The following LRRC28 variants were observed in gnomAD, a reference collection of about 807,000 sequenced individuals.
LRRC28 encodes the protein leucine rich repeat containing 28, also known as leucine-rich repeat-containing protein 28.
In LRRC28, 39 loss-of-function variants were observed where a neutral mutation model predicts 45.7. That is an observed-to-expected ratio of 0.85 (90% confidence interval 0.66 to 1.12). LRRC28 has a LOEUF of 1.12. Ranked by LOEUF, LRRC28 falls within the 50% of genes most tolerant of loss-of-function variation. The pLI, the probability that LRRC28 is intolerant of heterozygous loss-of-function variation, is 0.00. For synonymous variants in LRRC28, 206 were observed against 178.8 expected, an observed-to-expected ratio of 1.15 and a Z score of -1.22; for missense variants, 435 against 438.5, an observed-to-expected ratio of 0.99 and a Z score of 0.07.
At chr15:99,367,482 C>T (rs1957371364) in intron 9 of LRRC28, among the ~76,000 whole-genome samples, 1 of 152,138 alleles carries the variant, frequency 6.6e-6, no homozygotes, top group Non-Finnish European at 1.5e-5. Flanking sequence ...CAGGAACCCC[C>T]TCCCACGATA....
intron 5 of LRRC28, chr15:99,333,700 A>T: frequency 1.7e-6 from 1 of 582,042 alleles, no homozygotes; most frequent in South Asian, 2.1e-5. Flanking sequence ...CATGCTACCC[A>T]GCCCTTTTCT....
chr15:99,360,802 G>A (rs1026491829), intron 7 of LRRC28, among the ~76,000 whole-genome samples: 1 of 152,162 alleles, frequency 6.6e-6, no homozygotes, highest in Non-Finnish European at 1.5e-5. Flanking sequence ...AGGGAATAGG[G>A]CATGACTTGG....
rs1199347824 is a variant in LRRC28, at chr15:99,386,181, T to C, written c.*79T>C. On this transcript the variant is annotated 3_prime_UTR_variant, in exon 10 of 10. Transcript: ENST00000301981. Reference sequence around the variant, plus strand: ...CAGTCCAGCACACTCTTCCATCCTGTCCTGTCCAATGCGGGGGCACTGCAG... The same window carrying C: ...CAGTCCAGCACACTCTTCCATCCTGCCCTGTCCAATGCGGGGGCACTGCAG... 8.9e-7 allele frequency: 1 copy of C among 1,124,050 alleles called. No individual in the cohort carries two copies. Among genetic ancestry groups the C allele is most frequent in the African/African-American group, 1.5e-5 (1 of 65,460 alleles). The allele number at this position is 1,124,050 out of a possible 1,614,324, so 69.6% of individuals were successfully genotyped here. A position where few individuals can be genotyped will look rare whatever the true frequency, so the allele number is the denominator to read the frequency against.
intron 2 of LRRC28, among the ~76,000 whole-genome samples, chr15:99,264,265 G>A (rs186515688): frequency 2.6e-5 from 4 of 152,282 alleles, no homozygotes; most frequent in Admixed American, 2.6e-4. Context: ...AGAGGGAGAG[G>A]AGGAAGTGGT....
In LRRC28 at chr15:99,350,152, A is replaced by C. The variant is rs557373860; in HGVS notation, c.593-2217A>C. Among the ~76,000 whole-genome samples, 27 of 152,046 alleles carry C rather than the reference A, an allele frequency of 1.8e-4. No individual in the cohort carries two copies. In the South Asian group the frequency reaches 5.6e-3, roughly 32 times the overall value. On this transcript the variant is annotated intron_variant, in intron 6 of 9. Transcript: ENST00000301981. ...AGCGAGACTCCGTCTCAAAAAAAAA[A>C]AAAAAAAGAAAAATGCAAGTTAAAA...
At chr15:99,317,148 C>T (rs1374042880) in intron 5 of LRRC28, among the ~76,000 whole-genome samples, 2 of 152,050 alleles carry the variant, frequency 1.3e-5, no homozygotes, top group Admixed American at 6.6e-5. Context: ...ATTTTCATTT[C>T]GTTTCCCTTG....
rs931345167 is a variant in LRRC28 at position 99,306,930 on chromosome 15, T to G, written c.385+18979T>G. On this transcript the variant is annotated intron_variant, in intron 5 of 9. Coordinates refer to ENST00000301981, the MANE Select transcript of LRRC28 (RefSeq NM_144598.5). ...TGGCACATCTTTGGTCCTTTTCGGG[T>G]CCATTGCCTCTGAGTTTGGAGAAGA... 2.6e-5 allele frequency among the ~76,000 whole-genome samples: 4 copies of G among 152,194 alleles called. No individual in the cohort carries two copies. In the East Asian group the frequency reaches 7.7e-4, roughly 29 times the overall value.
intron 3 of LRRC28, among the ~76,000 whole-genome samples, chr15:99,277,460 C>G (rs2081649060): frequency 6.6e-6 from 1 of 152,034 alleles, no homozygotes; most frequent in South Asian, 2.1e-4. Flanking sequence ...CCCCTCTGCC[C>G]CCTCCCCCAA....
At chr15:99,377,091 C>G (rs1466307918) in intron 9 of LRRC28, among the ~76,000 whole-genome samples, 1 of 152,040 alleles carries the variant, frequency 6.6e-6, no homozygotes, top group Non-Finnish European at 1.5e-5. Context: ...AATGGTATTT[C>G]TAGTTCTAGA....
chr15:99,333,135 A>G (rs1226415179), intron 5 of LRRC28, among the ~76,000 whole-genome samples: 1 of 152,154 alleles, frequency 6.6e-6, no homozygotes, highest in East Asian at 1.9e-4. Flanking sequence ...TTTCCCTGAG[A>G]AGGACTAAGT....
intron 6 of LRRC28, among the ~76,000 whole-genome samples, chr15:99,350,513 C>T (rs760088335): frequency 3.3e-5 from 5 of 152,196 alleles, no homozygotes; most frequent in Non-Finnish European, 5.9e-5. Context: ...TAGCAGTGAT[C>T]GTATTGTATT....
At chr15:99,253,934 C>A (rs1033736399) in intron 1 of LRRC28, among the ~76,000 whole-genome samples, 1 of 152,174 alleles carries the variant, frequency 6.6e-6, no homozygotes, top group Non-Finnish European at 1.5e-5. Flanking sequence ...CCTGCTTCTC[C>A]GGCTTGAGCC....
intron 8 of LRRC28, 57 bp downstream of exon 8, chr15:99,361,568 T>G: frequency 6.7e-7 from 1 of 1,483,534 alleles, no homozygotes; most frequent in Non-Finnish European, 9.0e-7. Flanking sequence ...ACATTGTGCT[T>G]GGTGCACCTG....
At chr15:99,288,517 G>T (rs1190097314) in intron 5 of LRRC28, among the ~76,000 whole-genome samples, 1 of 151,556 alleles carries the variant, frequency 6.6e-6, no homozygotes, top group Non-Finnish European at 1.5e-5. Context: ...GAGTAGCTGA[G>T]ATTACAGGCG....
intron 9 of LRRC28, among the ~76,000 whole-genome samples, chr15:99,366,993 C>T (rs533234229): frequency 6.6e-6 from 1 of 152,306 alleles, no homozygotes; most frequent in South Asian, 2.1e-4. Context: ...CCACCAGCAA[C>T]CAGTCAGTCA....
intron 6 of LRRC28, among the ~76,000 whole-genome samples, chr15:99,334,566 A>G (rs1331211217): frequency 6.6e-6 from 1 of 152,322 alleles, no homozygotes; most frequent in Admixed American, 6.5e-5. Flanking sequence ...TAACCAGATT[A>G]TAAAACTTTA....
At chr15:99,295,445 C>T (rs2082237920) in intron 5 of LRRC28, among the ~76,000 whole-genome samples, 1 of 152,136 alleles carries the variant, frequency 6.6e-6, no homozygotes, top group Admixed American at 6.6e-5. Flanking sequence ...GGAAAGGCTT[C>T]CATCAGTACA....
intron 2 of LRRC28, among the ~76,000 whole-genome samples, chr15:99,269,233 A>G (rs1567610216): frequency 6.6e-6 from 1 of 152,252 alleles, no homozygotes; most frequent in Non-Finnish European, 1.5e-5. Context: ...TAATTTCTAC[A>G]AATGCTAAGC....
At chr15:99,385,112 A>T (rs770486471) in intron 9 of LRRC28, among the ~76,000 whole-genome samples, 8 of 152,174 alleles carry the variant, frequency 5.3e-5, no homozygotes, top group Non-Finnish European at 7.3e-5. Context: ...GGCCTGCCTG[A>T]TAGGAGCTCC....
Sources: allele counts gnomAD v4.1 joint callset (sites outside exome capture counted in the v4.1 genomes callset), GRCh38; gene constraint gnomAD v4.1.1; transcripts MANE v1.5; gene names NCBI Gene and HGNC (gene_info 2026-07-23, HGNC 2026-07-21).